The following UBR1 variants were observed in gnomAD, a reference collection of about 807,000 sequenced individuals.
The protein encoded by UBR1 is E3 ubiquitin-protein ligase UBR1.
Under a neutral mutation model 242.1 loss-of-function variants are expected in UBR1, and 102 were observed. The observed-to-expected ratio is 0.42, with a 90% CI of 0.36 to 0.50. The LOEUF (loss-of-function observed/expected upper bound fraction) is 0.50, where lower values mean the gene tolerates loss of function less well. Among genes scored for constraint, UBR1 ranks in the 20% least tolerant of loss-of-function variants. The probability of loss-of-function intolerance (pLI) is 0.01; values close to 1 mark genes in which losing one functional copy is unlikely to be tolerated. For synonymous variants in UBR1, 675 were observed against 684.8 expected (o/e 0.99, Z 0.22); for missense variants, 1,772 against 2,101.8 (o/e 0.84, Z 3.07).
chr15:43,082,099 TC>T (rs1194293671), intron 3 of UBR1, among the ~76,000 whole-genome samples: 1 of 152,012 alleles, frequency 6.6e-6, no homozygotes, highest in African/African-American at 2.4e-5. Flanking sequence ...TACATTTTTT[TC>T]CTGATTAAAA....
intron 33 of UBR1, among the ~76,000 whole-genome samples, chr15:42,993,819 C>CA (rs2032593117): frequency 1.3e-5 from 2 of 149,476 alleles, no homozygotes; most frequent in Admixed American, 1.3e-4. Context: ...GCCTGGGGGG[C>CA]AGAGCGAGAC....
chr15:43,018,986 T>G (rs1166948189), intron 27 of UBR1, among the ~76,000 whole-genome samples: 2 of 152,260 alleles, frequency 1.3e-5, no homozygotes, highest in Non-Finnish European at 2.9e-5. Context: ...TTTTATAATC[T>G]TAAAATAATA....
chr15:43,028,999 C>T (rs1391440110), intron 21 of UBR1, among the ~76,000 whole-genome samples: 2 of 151,950 alleles, frequency 1.3e-5, no homozygotes, highest in Admixed American at 6.6e-5. Context: ...GAAAGAGGAT[C>T]GCTTGAACCC....
At chr15:43,102,548 A>G (rs2034250137) in intron 1 of UBR1, among the ~76,000 whole-genome samples, 5 of 152,216 alleles carry the variant, frequency 3.3e-5, no homozygotes, top group African/African-American at 1.2e-4. Context: ...GCCAAGAGGT[A>G]TCTTCTGAAA....
rs1314306285 is a variant in UBR1, at chr15:43,093,555, C to G, written c.82-7315G>C. Among the ~76,000 whole-genome samples the G allele has an allele frequency of 4.6e-5, 7 of 152,060 alleles. No homozygotes were observed. The East Asian group carries it at 1.3e-3, about 29-fold the overall frequency. ...TAGCCCTTTGGGAGGCCAAGGCAGG[C>G]AGATCACTGGAGCCCAGAAGTTCAA... On this transcript the variant is annotated intron_variant, in intron 1 of 46. Transcript: ENST00000290650.
chr15:43,004,804 G>A (rs1025614339), intron 30 of UBR1, among the ~76,000 whole-genome samples: 24 of 151,800 alleles, frequency 1.6e-4, no homozygotes, highest in Non-Finnish European at 2.7e-4. Flanking sequence ...CCGCCACCCC[G>A]TCTGGGAAGT....
In UBR1 at chr15:43,038,240, T is replaced by A. The variant is rs1410206935; in HGVS notation, c.1850-8A>T. On this transcript the variant is annotated splice_region_variant and splice_polypyrimidine_tract_variant and intron_variant, in intron 15 of 46. Coordinates refer to ENST00000290650, the MANE Select transcript of UBR1 (RefSeq NM_174916.3). Reference sequence around the variant, plus strand: ...TTAAACGTACATGAAGACCTAAAGTTAAAAAAACGAGAGAGAAAATGAGAA... The same window carrying A: ...TTAAACGTACATGAAGACCTAAAGTAAAAAAAACGAGAGAGAAAATGAGAA... 6.2e-7 allele frequency: 1 copy of A among 1,613,738 alleles called. No homozygotes were observed. Among genetic ancestry groups the A allele is most frequent in the South Asian group, 1.1e-5 (1 of 91,066 alleles).
intron 37 of UBR1, among the ~76,000 whole-genome samples, chr15:42,980,896 C>A (rs1476116715): frequency 1.3e-5 from 2 of 152,062 alleles, no homozygotes; most frequent in African/African-American, 4.8e-5. Flanking sequence ...GCCATTACAC[C>A]CGGCCTGTCC....
chr15:43,075,416 ATAATC>A (rs1199302162), intron 3 of UBR1, among the ~76,000 whole-genome samples: 9 of 152,182 alleles, frequency 5.9e-5, no homozygotes, highest in African/African-American at 1.9e-4. Flanking sequence ...GTGTGCGAAA[ATAATC>A]TATACAACAC....
intron 11 of UBR1, among the ~76,000 whole-genome samples, chr15:43,055,744 G>A (rs1216111164): frequency 1.3e-5 from 2 of 151,880 alleles, no homozygotes; most frequent in Non-Finnish European, 2.9e-5. Context: ...GTGAAACCCC[G>A]TCTCTACTAA....
intron 12 of UBR1, among the ~76,000 whole-genome samples, chr15:43,049,391 G>A (rs995283247): frequency 2.6e-5 from 4 of 151,994 alleles, no homozygotes; most frequent in East Asian, 1.9e-4. Flanking sequence ...GTGAAACCCC[G>A]TCTCTACTAA....
chr15:43,045,147 A>T (rs1261391740), intron 14 of UBR1, among the ~76,000 whole-genome samples: 1 of 152,154 alleles, frequency 6.6e-6, no homozygotes, highest in Non-Finnish European at 1.5e-5. Context: ...GGAAATGATG[A>T]CAGGTCCATT....
chr15:43,056,824 C>A (rs953003579), intron 10 of UBR1, among the ~76,000 whole-genome samples: 1 of 152,140 alleles, frequency 6.6e-6, no homozygotes, highest in Non-Finnish European at 1.5e-5. Flanking sequence ...GGAATATATT[C>A]AAAGTATTTA....
At chr15:43,082,031 A>G (rs2033980576) in intron 3 of UBR1, among the ~76,000 whole-genome samples, 1 of 152,112 alleles carries the variant, frequency 6.6e-6, no homozygotes, top group Admixed American at 6.5e-5. Context: ...TTTGCTTTTT[A>G]CATTTAAAAG....
rs1332466698 is a variant in UBR1 at position 42,966,204 on chromosome 15, A to G, written c.4540T>C (p.Leu1514=). The G allele has an allele frequency of 1.2e-6, 2 of 1,614,048 alleles. No homozygotes were observed. Among genetic ancestry groups the G allele is most frequent in the African/African-American group, 2.7e-5 (2 of 74,912 alleles). Residue 1514 remains leucine, a synonymous_variant, in exon 41 of 47, where the codon TTG becomes CTG. Transcript: ENST00000290650. ...ACCCCAAGTAAATAGTGGAAAAACA[A>G]TGCAGCACAGCGAAGATAAGGGGTG... is the stretch of plus-strand genomic sequence containing the variant. ...GITPYLRCAA[L]FFHYLLGVTP... is the part of the protein sequence containing the mutation.
intron 27 of UBR1, 157 bp downstream of exon 27, chr15:43,021,118 T>C: frequency 1.7e-6 from 1 of 605,140 alleles, no homozygotes; most frequent in Non-Finnish European, 2.8e-6. Flanking sequence ...AAAACTACAA[T>C]AAAATATAGG....
chr15:42,951,426 G>T (rs777241762), intron 45 of UBR1, among the ~76,000 whole-genome samples: 2 of 152,148 alleles, frequency 1.3e-5, no homozygotes, highest in African/African-American at 4.8e-5. Context: ...GTTTCACCAC[G>T]TTGGCCAGGC....
chr15:43,078,846 G>A (rs1356184377), intron 3 of UBR1, among the ~76,000 whole-genome samples: 1 of 151,998 alleles, frequency 6.6e-6, no homozygotes, highest in South Asian at 2.1e-4. Flanking sequence ...GCATGCACCT[G>A]TAGTAAGTAA....
chr15:43,022,444 A>G (rs1361340992), intron 26 of UBR1, among the ~76,000 whole-genome samples: 3 of 152,122 alleles, frequency 2.0e-5, no homozygotes, highest in Non-Finnish European at 4.4e-5. Flanking sequence ...CCAAAAAAAA[A>G]AAAAAGTGGG....
Sources: allele counts gnomAD v4.1 joint callset (sites outside exome capture counted in the v4.1 genomes callset), GRCh38; gene constraint gnomAD v4.1.1; transcripts MANE v1.5; gene names NCBI Gene and HGNC (gene_info 2026-07-23, HGNC 2026-07-21).